The following SGCZ variants were observed in gnomAD, a reference collection of about 807,000 sequenced individuals.
SGCZ encodes zeta-sarcoglycan.
Under a neutral mutation model 41.3 loss-of-function variants are expected in SGCZ, and 40 were observed. The ratio of observed to expected loss-of-function variants is 0.97; its 90% confidence interval spans 0.75 to 1.26. The LOEUF is 1.26. SGCZ is among the 50% of genes most tolerant of loss of function. The pLI, the probability that SGCZ is intolerant of heterozygous loss-of-function variation, is 0.00. For missense variants in SGCZ, 552 were observed against 369.8 expected (o/e 1.49, Z -4.04); for synonymous variants, 206 against 137.5 (o/e 1.50, Z -3.49).
At chr8:14,217,927 G>A (rs987650511) in intron 4 of SGCZ, among the ~76,000 whole-genome samples, 7 of 151,828 alleles carry the variant, frequency 4.6e-5, no homozygotes, top group South Asian at 2.1e-4. Flanking sequence ...CACCACGCCC[G>A]GCCAACTAAA....
chr8:14,300,151 T>C (rs997719935), intron 3 of SGCZ, among the ~76,000 whole-genome samples: 6 of 151,972 alleles, frequency 3.9e-5, no homozygotes, highest in Non-Finnish European at 8.8e-5. Flanking sequence ...ATTACAAGGA[T>C]GTATAGTTAT....
chr8:14,522,946 T>C (rs568771539), intron 2 of SGCZ, among the ~76,000 whole-genome samples: 17 of 152,010 alleles, frequency 1.1e-4, no homozygotes, highest in African/African-American at 3.6e-4. Flanking sequence ...TTTTGATTTA[T>C]CTATATTAAT....
intron 1 of SGCZ, among the ~76,000 whole-genome samples, chr8:14,834,101 G>A (rs897395092): frequency 3.9e-5 from 6 of 152,034 alleles, no homozygotes; most frequent in Non-Finnish European, 5.9e-5. Context: ...AAATTGAAAA[G>A]GGCTTTAGAT....
At chr8:14,225,122 C>T (rs947004030) in intron 4 of SGCZ, among the ~76,000 whole-genome samples, 1 of 152,056 alleles carries the variant, frequency 6.6e-6, no homozygotes, top group Non-Finnish European at 1.5e-5. Context: ...ACTAGTTTTA[C>T]GTTACTTGCA....
intron 4 of SGCZ, among the ~76,000 whole-genome samples, chr8:14,192,119 TA>T (rs1039711784): frequency 6.6e-6 from 1 of 152,018 alleles, no homozygotes; most frequent in Non-Finnish European, 1.5e-5. Flanking sequence ...TGGTACTTCC[TA>T]AAAAAATACT....
intron 2 of SGCZ, among the ~76,000 whole-genome samples, chr8:14,542,042 G>C (rs2117153568): frequency 1.3e-5 from 2 of 152,182 alleles, no homozygotes; most frequent in South Asian, 4.2e-4. Flanking sequence ...CTCTTTGTCA[G>C]ATGGACAGAT....
intron 2 of SGCZ, among the ~76,000 whole-genome samples, chr8:14,429,508 T>C (rs566546090): frequency 6.6e-6 from 1 of 152,170 alleles, no homozygotes; most frequent in Non-Finnish European, 1.5e-5. Context: ...CCAGATCACA[T>C]AGGGTTTTTT....
At chr8:14,193,979 C>A (rs1336750124) in intron 4 of SGCZ, among the ~76,000 whole-genome samples, 2 of 151,598 alleles carry the variant, frequency 1.3e-5, no homozygotes, top group African/African-American at 4.8e-5. Flanking sequence ...CATAACATAA[C>A]TAGAATTTCA....
At chr8:14,802,964 T>C (rs971573983) in intron 1 of SGCZ, among the ~76,000 whole-genome samples, 3 of 152,134 alleles carry the variant, frequency 2.0e-5, no homozygotes, top group African/African-American at 7.2e-5. Flanking sequence ...CCATTCTTGT[T>C]TGTAGATAGC....
intron 1 of SGCZ, among the ~76,000 whole-genome samples, chr8:14,743,861 A>G (rs773376697): frequency 2.0e-5 from 3 of 152,150 alleles, no homozygotes; most frequent in African/African-American, 4.8e-5. Flanking sequence ...GAAAATAATG[A>G]CACAGTGAAA....
intron 1 of SGCZ, among the ~76,000 whole-genome samples, chr8:14,868,870 C>A (rs191641709): frequency 6.6e-6 from 1 of 151,976 alleles, no homozygotes; most frequent in African/African-American, 2.4e-5. Flanking sequence ...ACACACACAC[C>A]CTCCCAAGGC....
chr8:14,804,527 G>C (rs906914693), intron 1 of SGCZ, among the ~76,000 whole-genome samples: 6 of 131,802 alleles, frequency 4.6e-5, no homozygotes, highest in Non-Finnish European at 8.2e-5. Flanking sequence ...GAAGGTTAGA[G>C]AAAAAAGAAT....
At chr8:14,994,306 G>A (rs112056112) in intron 1 of SGCZ, among the ~76,000 whole-genome samples, 2 of 152,022 alleles carry the variant, frequency 1.3e-5, no homozygotes, top group Admixed American at 6.5e-5. Context: ...TGAGGGGGCT[G>A]GGCATGGTGG....
chr8:14,108,534 C>A (rs1236988857), intron 5 of SGCZ, among the ~76,000 whole-genome samples: 1 of 152,054 alleles, frequency 6.6e-6, no homozygotes, highest in Admixed American at 6.6e-5. Flanking sequence ...AAAGCAGAAA[C>A]CCCTGATAAT....
chr8:15,130,169 A>G (rs1478063324), intron 1 of SGCZ, among the ~76,000 whole-genome samples: 1 of 151,888 alleles, frequency 6.6e-6, no homozygotes, highest in African/African-American at 2.4e-5. Flanking sequence ...CACTCACTAC[A>G]CTCTGTTCTT....
chr8:14,632,870 A>G (rs966774946), intron 1 of SGCZ, among the ~76,000 whole-genome samples: 1 of 152,056 alleles, frequency 6.6e-6, no homozygotes, highest in Non-Finnish European at 1.5e-5. Context: ...AAAGGTAAAT[A>G]AAATACATCA....
At chr8:14,560,310 T>C (rs529907300) in intron 1 of SGCZ, among the ~76,000 whole-genome samples, 1 of 148,846 alleles carries the variant, frequency 6.7e-6, no homozygotes, top group Non-Finnish European at 1.5e-5. Flanking sequence ...ATCAAAATAC[T>C]ACATCTACCC....
At chr8:14,857,794 A>G (rs1299673724) in intron 1 of SGCZ, among the ~76,000 whole-genome samples, 1 of 152,098 alleles carries the variant, frequency 6.6e-6, no homozygotes, top group Admixed American at 6.6e-5. Flanking sequence ...TGAACCCAGG[A>G]GGTGGAGGTA....
At chr8:15,049,460 C>A (rs1024040808) in intron 1 of SGCZ, among the ~76,000 whole-genome samples, 15 of 152,018 alleles carry the variant, frequency 9.9e-5, no homozygotes, top group Non-Finnish European at 1.0e-4. Context: ...ATTCTCAGAG[C>A]AAATGGAAGC....
Sources: gnomAD v4.1 joint callset for allele counts (sites outside exome capture counted in the v4.1 genomes callset) on GRCh38, gnomAD v4.1.1 for gene constraint, MANE v1.5 for transcripts, NCBI Gene and HGNC (gene_info 2026-07-23, HGNC 2026-07-21) for gene names.